RBFOX1: variants seen among roughly 807,000 people sequenced by gnomAD.
The protein encoded by RBFOX1 is RNA binding fox-1 homolog 1, also known as RNA binding protein fox-1 homolog 1.
In RBFOX1, 8 loss-of-function variants were observed where a neutral mutation model predicts 57.7. That is an observed-to-expected ratio of 0.14 (90% CI 0.08 to 0.25). RBFOX1 has a LOEUF of 0.25. Ranked by LOEUF, RBFOX1 falls within the 10% of genes least tolerant of loss-of-function variation. The pLI is 1.00. For synonymous variants in RBFOX1, 326 were observed against 222.4 expected, an observed-to-expected ratio of 1.47 and a Z score of -4.15; for missense variants, 611 against 548.5, an observed-to-expected ratio of 1.11 and a Z score of -1.14.
At chr16:5,761,187 C>T (rs1028363449) in intron 3 of RBFOX1, among the ~76,000 whole-genome samples, 5 of 152,108 alleles carry the variant, frequency 3.3e-5, no homozygotes, top group African/African-American at 4.8e-5. Context: ...GGAGCCCTCT[C>T]GCTGCTGTTT....
At chr16:6,469,427 C>T (rs562561260) in intron 2 of RBFOX1, among the ~76,000 whole-genome samples, 3 of 152,134 alleles carry the variant, frequency 2.0e-5, no homozygotes, top group Admixed American at 6.5e-5. Context: ...CAGGTCTGAG[C>T]TGGATTTCCT....
chr16:6,785,625 A>G (rs1054504000), intron 3 of RBFOX1, among the ~76,000 whole-genome samples: 1 of 152,190 alleles, frequency 6.6e-6, no homozygotes, highest in Non-Finnish European at 1.5e-5. Context: ...CAACTGCACA[A>G]TAACCATCAG....
chr16:7,561,141 G>T (rs1475379309), intron 5 of RBFOX1, among the ~76,000 whole-genome samples: 1 of 152,156 alleles, frequency 6.6e-6, no homozygotes, highest in African/African-American at 2.4e-5. Context: ...CAGAGTATTT[G>T]TCCCTCTAAG....
intron 3 of RBFOX1, among the ~76,000 whole-genome samples, chr16:5,851,613 T>C (rs2056899140): frequency 6.6e-6 from 1 of 152,174 alleles, no homozygotes; most frequent in Admixed American, 6.5e-5. Flanking sequence ...ATTTTGAGAT[T>C]GCAATGGGGA....
intron 1 of RBFOX1, among the ~76,000 whole-genome samples, chr16:5,285,057 G>A (rs2063359909): frequency 6.6e-6 from 1 of 151,960 alleles, no homozygotes; most frequent in Non-Finnish European, 1.5e-5. Flanking sequence ...GGTTTTCTAT[G>A]CCTTTACCCA....
rs564868068 is a variant in RBFOX1 at position 6,090,225 on chromosome 16, C to T, written c.-127+70233C>T. ...AAGGAGACTTGTGACTACATTGGGC[C>T]CACAGAGATAATCCAGAATAGTCTC... On this transcript the variant is annotated intron_variant, in intron 1 of 15. Coordinates refer to ENST00000550418, the MANE Select transcript of RBFOX1 (RefSeq NM_018723.4). The T allele has an allele frequency of 2.6e-5, 4 of 152,190 alleles. No homozygotes were observed. In the East Asian group the frequency reaches 5.8e-4, roughly 22 times the overall value. The allele number at this position is 152,190 out of a possible 1,614,324, so 9.4% of individuals were successfully genotyped here. A position where few individuals can be genotyped will look rare whatever the true frequency, so the allele number is the denominator to read the frequency against.
At chr16:7,465,375 G>T (rs1486760309) in intron 4 of RBFOX1, among the ~76,000 whole-genome samples, 1 of 152,158 alleles carries the variant, frequency 6.6e-6, no homozygotes. Flanking sequence ...GACCTTGGCT[G>T]CTTCATTTGT....
At chr16:7,032,899 T>G (rs2043180111) in intron 3 of RBFOX1, among the ~76,000 whole-genome samples, 1 of 152,190 alleles carries the variant, frequency 6.6e-6, no homozygotes, top group Admixed American at 6.5e-5. Flanking sequence ...TGAGAGCATG[T>G]CTCTCTTTTG....
At chr16:6,390,916 G>T (rs776141628) in intron 2 of RBFOX1, among the ~76,000 whole-genome samples, 194 of 152,210 alleles carry the variant, frequency 1.3e-3, no homozygotes, top group Non-Finnish European at 2.3e-3. Flanking sequence ...GGCTTGTGGG[G>T]CCGGGTTTCT....
chr16:5,739,198 G>T (rs552231873), intron 3 of RBFOX1, among the ~76,000 whole-genome samples: 1 of 152,178 alleles, frequency 6.6e-6, no homozygotes, highest in East Asian at 1.9e-4. Context: ...AATTATTCAG[G>T]CAAGGAAGGA....
chr16:6,180,928 C>T (rs1488046918), intron 1 of RBFOX1, among the ~76,000 whole-genome samples: 1 of 152,076 alleles, frequency 6.6e-6, no homozygotes, highest in Non-Finnish European at 1.5e-5. Context: ...TAAAGACCAG[C>T]CAAAAATCAG....
chr16:6,998,211 T>G (rs907179384), intron 3 of RBFOX1, among the ~76,000 whole-genome samples: 1 of 152,186 alleles, frequency 6.6e-6, no homozygotes, highest in Non-Finnish European at 1.5e-5. Context: ...GTGATTTAGC[T>G]ATGAAGCATT....
intron 3 of RBFOX1, among the ~76,000 whole-genome samples, chr16:5,803,071 C>G (rs1053687817): frequency 2.6e-5 from 4 of 152,190 alleles, no homozygotes; most frequent in African/African-American, 9.7e-5. Context: ...TGCAGACCAT[C>G]TTTAGCACCC....
intron 15 of RBFOX1, 197 bp from the exon 16 acceptor site, chr16:7,710,426 A>ATTTCTTTAGGAGGAGCTAT: frequency 2.9e-6 from 4 of 1,398,372 alleles, no homozygotes; most frequent in Middle Eastern, 2.5e-4. Context: ...TTTGCAGGGA[A>ATTTCTTTAGGAGGAGCTAT]TTTCTTTAGG....
intron 2 of RBFOX1, among the ~76,000 whole-genome samples, chr16:5,489,316 A>AG (rs1378412717): frequency 1.3e-5 from 2 of 152,220 alleles, no homozygotes; most frequent in African/African-American, 4.8e-5. Flanking sequence ...CTTCCTTGGA[A>AG]GGAGGATAAA....
At chr16:5,720,932 T>C (rs73522259) in intron 3 of RBFOX1, among the ~76,000 whole-genome samples, 10,411 of 152,274 alleles carry the variant, frequency 0.068, 1,185 homozygotes, top group African/African-American at 0.24. Flanking sequence ...TATTTCTCAG[T>C]GAATTTCAGA....
At chr16:6,294,347 T>C (rs1366345957) in intron 1 of RBFOX1, among the ~76,000 whole-genome samples, 1 of 152,188 alleles carries the variant, frequency 6.6e-6, no homozygotes, top group East Asian at 1.9e-4. Context: ...GGTCCCAGTA[T>C]GGTTAGATGA....
intron 2 of RBFOX1, among the ~76,000 whole-genome samples, chr16:6,525,390 C>T (rs901011631): frequency 6.6e-6 from 1 of 152,076 alleles, no homozygotes; most frequent in Admixed American, 6.6e-5. Flanking sequence ...GTGAGCTGAG[C>T]CATGAAGCAT....
At chr16:6,617,421 A>C (rs1032702025) in intron 2 of RBFOX1, among the ~76,000 whole-genome samples, 7 of 151,946 alleles carry the variant, frequency 4.6e-5, no homozygotes, top group Non-Finnish European at 7.4e-5. Context: ...GCAGAGGGAC[A>C]TGAGGAGGGG....
Sources: allele counts gnomAD v4.1 joint callset (sites outside exome capture counted in the v4.1 genomes callset), GRCh38; gene constraint gnomAD v4.1.1; transcripts MANE v1.5; gene names NCBI Gene and HGNC (gene_info 2026-07-23, HGNC 2026-07-21).